The following TP63 variants were observed in gnomAD, a reference collection of about 807,000 sequenced individuals.
TP63 encodes the protein tumor protein 63.
In TP63, 17 loss-of-function variants were observed where a neutral mutation model predicts 82.8. The observed-to-expected ratio is 0.21, with a 90% confidence interval of 0.14 to 0.31. TP63 has a LOEUF of 0.31. Ranked by LOEUF, TP63 falls within the 10% of genes least tolerant of loss-of-function variation. The probability of loss-of-function intolerance (pLI) is 1.00; values close to 1 mark genes in which losing one functional copy is unlikely to be tolerated. For missense variants in TP63, 648 were observed against 895.3 expected (o/e 0.72, Z 3.52); for synonymous variants, 330 against 321.7 (o/e 1.03, Z -0.28).
chr3:189,868,499 G>A (rs1718002198), intron 7 of TP63, 81 bp from the exon 8 acceptor site: 4 of 1,580,672 alleles, frequency 2.5e-6, no homozygotes, highest in Admixed American at 1.8e-5. Context: ...GCCCATATGG[G>A]AAGTGGAAGT....
At chr3:189,792,890 G>C (rs777465963) in intron 3 of TP63, among the ~76,000 whole-genome samples, 1 of 151,930 alleles carries the variant, frequency 6.6e-6, no homozygotes, top group Admixed American at 6.6e-5. Flanking sequence ...GCTTGGTCTA[G>C]GGAAAAAAAT....
intron 3 of TP63, among the ~76,000 whole-genome samples, chr3:189,765,450 T>TTTTTTTTTTTTTTTTTTTTTTTG: frequency 8.1e-6 from 1 of 123,364 alleles, no homozygotes; most frequent in Non-Finnish European, 1.7e-5. Flanking sequence ...TTTTTTTTTT[T>TTTTTTTTTTTTTTTTTTTTTTTG]TTTTGAGACA....
intron 4 of TP63, among the ~76,000 whole-genome samples, chr3:189,835,201 G>A (rs1712956732): frequency 6.6e-6 from 1 of 152,100 alleles, no homozygotes; most frequent in Non-Finnish European, 1.5e-5. Flanking sequence ...TATTAAACTA[G>A]ATGGAGGGTC....
At chr3:189,599,557 G>A in the TP63 span, among the ~76,000 whole-genome samples, 2 of 152,208 alleles carry the variant, frequency 1.3e-5, no homozygotes, top group African/African-American at 4.8e-5. Context: ...GTGATGGGAA[G>A]CCCAATCAGC....
intron 3 of TP63, among the ~76,000 whole-genome samples, chr3:189,785,673 T>G (rs1039908687): frequency 6.6e-6 from 1 of 151,944 alleles, no homozygotes; most frequent in Admixed American, 6.6e-5. Flanking sequence ...CAAAGTGGAT[T>G]ATAAGGAAAG....
chr3:189,643,673 G>T (rs1035175907), intron 1 of TP63, among the ~76,000 whole-genome samples: 2 of 151,972 alleles, frequency 1.3e-5, no homozygotes, highest in Admixed American at 1.3e-4. Context: ...TTCCATCTCT[G>T]TTCTTTTTAT....
the TP63 span, among the ~76,000 whole-genome samples, chr3:189,601,184 C>G: frequency 1.3e-5 from 2 of 152,132 alleles, no homozygotes; most frequent in African/African-American, 4.8e-5. Flanking sequence ...GAGCTGCAAT[C>G]TTGTGCATAG....
chr3:189,667,097 A>C (rs115285978), intron 1 of TP63, among the ~76,000 whole-genome samples: 5,749 of 150,838 alleles, frequency 0.038, 142 homozygotes, highest in Middle Eastern at 0.055. Flanking sequence ...ACAATTTCCT[A>C]AACTGTGAAA....
intron 1 of TP63, among the ~76,000 whole-genome samples, chr3:189,691,886 A>G (rs1320808208): frequency 6.6e-6 from 1 of 152,234 alleles, no homozygotes; most frequent in Non-Finnish European, 1.5e-5. Flanking sequence ...ACCTAGAACC[A>G]TTCAAATAGA....
chr3:189,783,179 A>G (rs1724356848), intron 3 of TP63, among the ~76,000 whole-genome samples: 1 of 151,918 alleles, frequency 6.6e-6, no homozygotes, highest in Admixed American at 6.6e-5. Context: ...TTAATTTTAA[A>G]ATTTAACATA....
the TP63 span, among the ~76,000 whole-genome samples, chr3:189,612,142 G>A: frequency 9.2e-5 from 14 of 152,116 alleles, no homozygotes; most frequent in African/African-American, 3.4e-4. Flanking sequence ...CTAACGGACT[G>A]TATCCAGGGT....
intron 4 of TP63, 144 bp downstream of exon 4, chr3:189,808,670 A>G: frequency 1.4e-6 from 2 of 1,452,120 alleles, no homozygotes; most frequent in Non-Finnish European, 1.9e-6. Flanking sequence ...ATACTGAACC[A>G]GAGAGAGAGA....
chr3:189,835,772 G>A (rs902587397), intron 4 of TP63, among the ~76,000 whole-genome samples: 3 of 151,872 alleles, frequency 2.0e-5, no homozygotes, highest in Admixed American at 6.6e-5. Context: ...AAATTAACTG[G>A]CCATGGTGGC....
chr3:189,823,506 T>C (rs1006108530), intron 4 of TP63, among the ~76,000 whole-genome samples: 1 of 152,070 alleles, frequency 6.6e-6, no homozygotes, highest in African/African-American at 2.4e-5. Flanking sequence ...TGTGGCTCAC[T>C]CACCAGGGGA....
intron 4 of TP63, among the ~76,000 whole-genome samples, chr3:189,854,433 A>G (rs1180689887): frequency 6.6e-6 from 1 of 152,124 alleles, no homozygotes; most frequent in Non-Finnish European, 1.5e-5. Context: ...TGGTTTCTCC[A>G]TGTTGGTCAG....
chr3:189,658,843 A>G (rs992963505), intron 1 of TP63, among the ~76,000 whole-genome samples: 9 of 151,968 alleles, frequency 5.9e-5, no homozygotes, highest in African/African-American at 2.2e-4. Flanking sequence ...ACTTTAGCCT[A>G]TCTAACTCAG....
intron 3 of TP63, among the ~76,000 whole-genome samples, chr3:189,770,944 C>G (rs937191660): frequency 1.3e-5 from 2 of 148,772 alleles, no homozygotes; most frequent in South Asian, 4.2e-4. Context: ...GAGTAATGCT[C>G]TACAGTTTAA....
Position 189,808,403 on chromosome 3 carries a change from C to T in TP63, c.456C>T (p.Pro152=), listed in dbSNP as rs774177255. 1.9e-6 allele frequency: 3 copies of T among 1,614,234 alleles called. No individual in the cohort carries two copies. In the Admixed American group the frequency reaches 5.0e-5, roughly 27 times the overall value. ...SVTAPSPYAQ[P]SSTFDALSPS... The stretch of plus-strand genomic sequence containing the variant: ...CGGCGCCCTCGCCCTACGCACAGCC[C>T]AGCTCCACCTTCGATGCTCTCTCTC... Residue 152 remains proline (P), a synonymous_variant, in exon 4 of 14, where the codon CCC becomes CCT. Transcript: ENST00000264731.
At chr3:189,643,528 TTC>T (rs757535390) in intron 1 of TP63, among the ~76,000 whole-genome samples, 26 of 151,954 alleles carry the variant, frequency 1.7e-4, no homozygotes, top group Admixed American at 5.2e-4. Context: ...ATTTACCAAT[TTC>T]TGTTACTGAA....
Sources: allele counts gnomAD v4.1 joint callset (sites outside exome capture counted in the v4.1 genomes callset), GRCh38; gene constraint gnomAD v4.1.1; transcripts MANE v1.5; gene names NCBI Gene and HGNC (gene_info 2026-07-23, HGNC 2026-07-21).